PREX2: variants seen among roughly 807,000 people sequenced by gnomAD.
PREX2 encodes phosphatidylinositol-3,4,5-trisphosphate dependent Rac exchange factor 2, also known as phosphatidylinositol 3,4,5-trisphosphate-dependent Rac exchanger 2 protein.
PREX2 carries 107 observed loss-of-function variants against 203.2 expected under a neutral mutation model. The ratio of observed to expected loss-of-function variants is 0.53; its 90% CI spans 0.45 to 0.62. PREX2 has a LOEUF of 0.62. Among genes scored for constraint, PREX2 ranks in the 20% least tolerant of loss-of-function variants. PREX2 has a pLI of 0.00. For missense variants in PREX2, 1,777 were observed against 1,955.9 expected, an observed-to-expected ratio of 0.91 and a Z score of 1.72; for synonymous variants, 672 against 663.6, an observed-to-expected ratio of 1.01 and a Z score of -0.19.
chr8:68,103,542 C>G (rs375903346), intron 23 of PREX2: 2 of 518,878 alleles, frequency 3.9e-6, no homozygotes, highest in African/African-American at 3.9e-5. Flanking sequence ...CTACCCCACA[C>G]TGTTCCCTTT....
At chr8:68,203,966 G>T (rs1021000466) in intron 37 of PREX2, among the ~76,000 whole-genome samples, 3 of 152,166 alleles carry the variant, frequency 2.0e-5, no homozygotes, top group Non-Finnish European at 4.4e-5. Flanking sequence ...GAGATCTAGA[G>T]AACGAATAAG....
rs146079669 is a variant in PREX2 at position 68,125,791 on chromosome 8, G to GT, written c.3725-1581dup. On this transcript the variant is annotated intron_variant, in intron 30 of 39. Coordinates refer to ENST00000288368, the MANE Select transcript of PREX2 (RefSeq NM_024870.4). ...TTTTTAGCAACCTATATTTTAGAAA[G>GT]TTTTTTCCCTGCATTTGTCCCAATA... Among the ~76,000 whole-genome samples the GT allele has an allele frequency of 2.1e-3, 326 of 152,126 alleles. 6 individuals carry two copies. The East Asian group carries it at 0.047, about 22-fold the overall frequency.
intron 21 of PREX2, among the ~76,000 whole-genome samples, chr8:68,095,971 C>T (rs1021090888): frequency 6.6e-6 from 1 of 152,124 alleles, no homozygotes; most frequent in Non-Finnish European, 1.5e-5. Flanking sequence ...TCCCTATACA[C>T]ACTGATCGTA....
At chr8:68,100,159 T>G (rs1810217372) in intron 23 of PREX2, 2 of 497,234 alleles carry the variant, frequency 4.0e-6, no homozygotes, top group Non-Finnish European at 8.0e-6. Flanking sequence ...AAGTCAAAAT[T>G]TAAAATTATA....
chr8:68,035,609 T>A (rs913497912), intron 6 of PREX2, among the ~76,000 whole-genome samples: 13 of 152,148 alleles, frequency 8.5e-5, no homozygotes, highest in Non-Finnish European at 1.9e-4. Flanking sequence ...AAATGCAGTA[T>A]AAAGGAAAAT....
chr8:67,952,873 A>G (rs1280934385), intron 1 of PREX2, among the ~76,000 whole-genome samples: 1 of 152,106 alleles, frequency 6.6e-6, no homozygotes, highest in Admixed American at 6.5e-5. Context: ...GCTCAAGTGC[A>G]CTGTGTAATT....
chr8:67,976,960 C>T lies in PREX2; in HGVS notation c.141+24425C>T, dbSNP rs144886830. Among the ~76,000 whole-genome samples, 1,120 of 152,304 alleles carry T rather than the reference C, an allele frequency of 7.4e-3. 2 individuals are homozygous for T. The highest frequency in any genetic ancestry group is 9.6e-3 in the Non-Finnish European group (654 of 68,016). On this transcript the variant is annotated intron_variant, in intron 1 of 39. Coordinates refer to ENST00000288368, the MANE Select transcript of PREX2 (RefSeq NM_024870.4). ...TGTCTAGCTGAACACTTCTCAAATT[C>T]TTAATTCACAAAATTGTGAGCAAAA... is the stretch of plus-strand genomic sequence containing the variant.
At chr8:68,117,346 A>G (rs186266334) in intron 26 of PREX2, among the ~76,000 whole-genome samples, 124 of 152,328 alleles carry the variant, frequency 8.1e-4, no homozygotes, top group African/African-American at 2.9e-3. Context: ...TAACCACTCT[A>G]CTATTCCAAT....
chr8:68,133,708 T>A (rs552019898), intron 31 of PREX2, among the ~76,000 whole-genome samples: 4 of 152,330 alleles, frequency 2.6e-5, no homozygotes, highest in Non-Finnish European at 5.9e-5. Context: ...TAGGAAAATG[T>A]CATTGCAGCA....
At position 68,095,519 on chromosome 8, in the gene PREX2, A is replaced by G. The variant is rs1430257821; in HGVS notation, c.2369-1498A>G. 2.9e-5 allele frequency among the ~76,000 whole-genome samples: 3 copies of G among 103,008 alleles called. No individual in the cohort carries two copies. In the East Asian group the frequency reaches 1.2e-3, roughly 39 times the overall value. The allele number at this position is 103,008 out of a possible 152,430, so 67.6% of individuals were successfully genotyped here. On this transcript the variant is annotated intron_variant, in intron 21 of 39. Coordinates refer to ENST00000288368, the MANE Select transcript of PREX2 (RefSeq NM_024870.4). ...GGGCCAAATACATACATACATACATACATACATACATACATATATGTGTGT... is the reference window on the plus strand; with the variant it reads ...GGGCCAAATACATACATACATACATGCATACATACATACATATATGTGTGT...
rs867763104 is a variant in PREX2, at chr8:68,164,886, C to T, written c.4346+7450C>T. ...TGTGAGCCACTGAGCCCGGCCAAAC[C>T]TTTTTTTTTTTTTTTTTACCAAAGG... On this transcript the variant is annotated intron_variant, in intron 35 of 39. Transcript: ENST00000288368. 9.0e-5 allele frequency among the ~76,000 whole-genome samples: 12 copies of T among 133,768 alleles called. No individual in the cohort carries two copies. In the South Asian group the frequency reaches 1.5e-3, roughly 16 times the overall value. 87.8% of individuals were successfully genotyped at this position (133,768 alleles called of 152,430 possible). A position where few individuals can be genotyped will look rare whatever the true frequency, so the allele number is the denominator to read the frequency against.
Position 68,146,371 on chromosome 8 carries a change from G to A in PREX2, c.4231+19G>A. The stretch of plus-strand genomic sequence containing the variant: ...GCACAAGGTAAACTGTTTCTCTTTT[G>A]ATGGCTGCTATACTTTAATTATTTT... On this transcript the variant is annotated intron_variant, in intron 34 of 39. Transcript: ENST00000288368. 6.3e-7 allele frequency: 1 copy of A among 1,594,334 alleles called. No individual in the cohort carries two copies. The highest frequency in any genetic ancestry group is 8.6e-7 in the Non-Finnish European group (1 of 1,166,548).
intron 13 of PREX2, 97 bp downstream of exon 13, chr8:68,069,981 G>T: frequency 1.5e-5 from 9 of 604,528 alleles, no homozygotes; most frequent in South Asian, 1.4e-4. Flanking sequence ...GGCTTATTTT[G>T]TTTTTTTTCA....
intron 35 of PREX2, chr8:68,176,966 TA>T (rs879789459): frequency 7.6e-4 from 108 of 142,404 alleles, no homozygotes; most frequent in East Asian, 1.6e-3. Context: ...AGACAATTGT[TA>T]AAAAAAAAAA....
chr8:67,968,777 G>C (rs888282151), intron 1 of PREX2, among the ~76,000 whole-genome samples: 1 of 152,128 alleles, frequency 6.6e-6, no homozygotes, highest in Non-Finnish European at 1.5e-5. Context: ...GCTTTTCAGG[G>C]GAACTGGTTT....
intron 1 of PREX2, among the ~76,000 whole-genome samples, chr8:68,008,571 G>A (rs1311174169): frequency 1.4e-5 from 2 of 148,056 alleles, no homozygotes; most frequent in Admixed American, 6.7e-5. Context: ...AAGTGCCTAC[G>A]TTTCTGAGGT....
intron 1 of PREX2, among the ~76,000 whole-genome samples, chr8:67,998,501 G>T (rs2129609672): frequency 6.6e-6 from 1 of 152,292 alleles, no homozygotes; most frequent in African/African-American, 2.4e-5. Flanking sequence ...CAGGTATGTT[G>T]ACTCATGCCT....
chr8:68,178,065 G>A (rs1172428267), intron 35 of PREX2, among the ~76,000 whole-genome samples: 3 of 152,142 alleles, frequency 2.0e-5, no homozygotes, highest in Non-Finnish European at 4.4e-5. Context: ...TTGATTCCAT[G>A]TCTTTGCTAT....
intron 30 of PREX2, among the ~76,000 whole-genome samples, chr8:68,122,715 A>G (rs1173997542): frequency 6.6e-6 from 1 of 152,104 alleles, no homozygotes; most frequent in African/African-American, 2.4e-5. Flanking sequence ...TAATGCTCTC[A>G]TTAGATTCAA....
Sources: allele counts gnomAD v4.1 joint callset (sites outside exome capture counted in the v4.1 genomes callset), GRCh38; gene constraint gnomAD v4.1.1; transcripts MANE v1.5; gene names NCBI Gene and HGNC (gene_info 2026-07-23, HGNC 2026-07-21).